The following C7 variants were observed in gnomAD, a reference collection of about 807,000 sequenced individuals.
The protein encoded by C7 is complement C7.
In C7, 83 loss-of-function variants were observed where a neutral mutation model predicts 104.8. The observed-to-expected ratio is 0.79, with a 90% CI of 0.66 to 0.95. The LOEUF (loss-of-function observed/expected upper bound fraction) is 0.95. Ranked by LOEUF, C7 falls within the 40% of genes least tolerant of loss-of-function variation. The probability of loss-of-function intolerance (pLI) is 0.00; values close to 1 mark genes in which losing one functional copy is unlikely to be tolerated. For synonymous variants in C7, 415 were observed against 360.6 expected (o/e 1.15, Z -1.71); for missense variants, 1,070 against 1,011.2 (o/e 1.06, Z -0.79).
intron 3 of C7, 23 bp downstream of exon 3, chr5:40,931,162 A>G (rs1167233474): frequency 1.3e-6 from 2 of 1,571,802 alleles, no homozygotes; most frequent in African/African-American, 1.3e-5. Flanking sequence ...AAAACTTTGT[A>G]TTTGATTATT....
At chr5:40,951,470 G>C (rs1740168691) in intron 9 of C7, among the ~76,000 whole-genome samples, 1 of 152,108 alleles carries the variant, frequency 6.6e-6, no homozygotes, top group African/African-American at 2.4e-5. Flanking sequence ...CTAGAGAGGG[G>C]AGGAAGGGAG....
Position 40,984,339 on chromosome 5 carries a change from C to T in C7, c.*2766C>T, listed in dbSNP as rs1362845857. Reference sequence around the variant, plus strand: ...CAAGCAGGAAATCTGACAAGTGACCCCCGGAACTTTGGATTACCTAGCAAC... The same window carrying T: ...CAAGCAGGAAATCTGACAAGTGACCTCCGGAACTTTGGATTACCTAGCAAC... On this transcript the variant is annotated 3_prime_UTR_variant, in exon 18 of 18. Coordinates refer to ENST00000313164, the MANE Select transcript of C7 (RefSeq NM_000587.4). 6.6e-6 allele frequency among the ~76,000 whole-genome samples: 1 copy of T among 152,092 alleles called. No individual in the cohort carries two copies. Among genetic ancestry groups the T allele is most frequent in the African/African-American group, 2.4e-5 (1 of 41,414 alleles).
chr5:40,934,566 T>C, intron 4 of C7, 100 bp downstream of exon 4: 1 of 1,217,362 alleles, frequency 8.2e-7, no homozygotes, highest in Non-Finnish European at 1.2e-6. Context: ...TGAATTTATA[T>C]TGGCCTAAAG....
At chr5:40,981,132 A>G (rs1740932651) in intron 17 of C7, among the ~76,000 whole-genome samples, 2 of 152,178 alleles carry the variant, frequency 1.3e-5, no homozygotes. Flanking sequence ...ATAGTTGAAG[A>G]GCTCTTGACT....
intron 16 of C7, among the ~76,000 whole-genome samples, chr5:40,979,092 C>G (rs531277254): frequency 2.1e-4 from 32 of 152,046 alleles, no homozygotes; most frequent in Admixed American, 1.9e-3. Flanking sequence ...GTTAGCCATC[C>G]TGGTCTTGAA....
chr5:40,941,675 G>A (rs1049280611), intron 6 of C7, among the ~76,000 whole-genome samples: 4 of 152,112 alleles, frequency 2.6e-5, no homozygotes, highest in Non-Finnish European at 4.4e-5. Context: ...GGCTGAATGC[G>A]GGGTATGATG....
At chr5:40,966,392 G>A (rs34340734) in intron 14 of C7, among the ~76,000 whole-genome samples, 2,705 of 149,384 alleles carry the variant, frequency 0.018, 32 homozygotes, top group Non-Finnish European at 0.023. Flanking sequence ...TTTTTTTTGA[G>A]ATGGAGTCTC....
intron 9 of C7, among the ~76,000 whole-genome samples, chr5:40,951,281 T>G (rs764332939): frequency 2.0e-5 from 3 of 152,210 alleles, no homozygotes; most frequent in African/African-American, 2.4e-5. Flanking sequence ...TTTTATCAGA[T>G]GCATAGTTTG....
chr5:40,924,180 C>G (rs575262476), intron 1 of C7, among the ~76,000 whole-genome samples: 2 of 152,298 alleles, frequency 1.3e-5, no homozygotes, highest in South Asian at 4.1e-4. Flanking sequence ...ATTGGGTAAA[C>G]TCTCCTTTCC....
intron 1 of C7, among the ~76,000 whole-genome samples, chr5:40,920,602 T>G (rs912952608): frequency 3.3e-5 from 5 of 151,870 alleles, no homozygotes; most frequent in African/African-American, 1.2e-4. Flanking sequence ...AACATTTATT[T>G]TTTATTTTTC....
intron 6 of C7, among the ~76,000 whole-genome samples, chr5:40,938,214 C>T (rs1427636089): frequency 6.6e-6 from 1 of 152,074 alleles, no homozygotes; most frequent in Non-Finnish European, 1.5e-5. Flanking sequence ...TGATCACATC[C>T]CTCTCACTCC....
At chr5:40,932,016 C>G (rs1027637543) in intron 3 of C7, among the ~76,000 whole-genome samples, 2 of 152,186 alleles carry the variant, frequency 1.3e-5, no homozygotes, top group African/African-American at 4.8e-5. Flanking sequence ...CCTCGGCCTT[C>G]CAAAGTGCTG....
rs1393622134 is a variant in C7 at position 40,959,471 on chromosome 5, T to C, written c.1512T>C (p.Ser504=). The C allele has an allele frequency of 1.5e-5, 24 of 1,610,812 alleles. No homozygotes were observed. The highest frequency in any genetic ancestry group is 2.2e-5 in the East Asian group (1 of 44,858). Residue 504 remains serine, a synonymous_variant, in exon 12 of 18, where the codon AGT becomes AGC. Coordinates refer to ENST00000313164, the MANE Select transcript of C7 (RefSeq NM_000587.4). ...NQAGGVDGGW[S]CWSSWSPCVQ... ...TAGGAGGGGTTGATGGAGGTTGGAGTTGCTGGTCCTCTTGGAGCCCCTGTG... is the reference window on the plus strand; with the variant it reads ...TAGGAGGGGTTGATGGAGGTTGGAGCTGCTGGTCCTCTTGGAGCCCCTGTG...
chr5:40,925,605 G>A (rs1812960), intron 1 of C7, among the ~76,000 whole-genome samples: 39,049 of 152,080 alleles, frequency 0.26, 5,824 homozygotes, highest in African/African-American at 0.42. Context: ...CCAATTTTCT[G>A]TGTTAGCCTG....
At chr5:40,910,439 G>A (rs916246857) in intron 1 of C7, among the ~76,000 whole-genome samples, 4 of 152,020 alleles carry the variant, frequency 2.6e-5, no homozygotes, top group Admixed American at 6.6e-5. Flanking sequence ...TGTCCATTGG[G>A]GCACCGAATC....
intron 4 of C7, among the ~76,000 whole-genome samples, 161 bp downstream of exon 4, chr5:40,934,627 CTCAGCTAT>C (rs1303018388): frequency 6.6e-6 from 1 of 152,184 alleles, no homozygotes; most frequent in East Asian, 1.9e-4. Flanking sequence ...TAATCATCCA[CTCAGCTAT>C]CATTTTTTCA....
chr5:40,976,243 G>A (rs529187714), intron 15 of C7, among the ~76,000 whole-genome samples: 1 of 152,322 alleles, frequency 6.6e-6, no homozygotes, highest in African/African-American at 2.4e-5. Flanking sequence ...GGCAAGTGAT[G>A]TTGCTGCTTT....
In C7 at chr5:40,923,120, G is replaced by A. The variant is rs1295904529; in HGVS notation, c.7-5460G>A. Among the ~76,000 whole-genome samples the A allele has an allele frequency of 2.6e-5, 4 of 152,112 alleles. No individual in the cohort carries two copies. The East Asian group carries it at 5.8e-4, about 22-fold the overall frequency. Reference sequence around the variant, plus strand: ...AAATGTAAAGGGAAGTAACTCAGTAGCATATGTTAATAATAATATTAATCT... The same window carrying A: ...AAATGTAAAGGGAAGTAACTCAGTAACATATGTTAATAATAATATTAATCT... On this transcript the variant is annotated intron_variant, in intron 1 of 17. Coordinates refer to ENST00000313164, the MANE Select transcript of C7 (RefSeq NM_000587.4).
At chr5:40,913,303 C>G (rs978483685) in intron 1 of C7, among the ~76,000 whole-genome samples, 1 of 151,990 alleles carries the variant, frequency 6.6e-6, no homozygotes, top group Non-Finnish European at 1.5e-5. Context: ...ATTTCTTTTC[C>G]TTTGGGTAGA....
Sources: allele counts gnomAD v4.1 joint callset (sites outside exome capture counted in the v4.1 genomes callset), GRCh38; gene constraint gnomAD v4.1.1; transcripts MANE v1.5; gene names NCBI Gene and HGNC (gene_info 2026-07-23, HGNC 2026-07-21).